NIN: variants seen among roughly 807,000 people sequenced by gnomAD.
The protein encoded by NIN is ninein, also known as glycogen synthase kinase 3 beta-interacting protein.
A neutral mutation model predicts 257.6 loss-of-function variants in NIN; 137 were observed. The ratio of observed to expected loss-of-function variants is 0.53; its 90% confidence interval spans 0.46 to 0.61. The LOEUF (loss-of-function observed/expected upper bound fraction) is 0.61, where lower values mean the gene tolerates loss of function less well. Ranked by LOEUF, NIN falls within the 20% of genes least tolerant of loss-of-function variation. The pLI, the probability that NIN is intolerant of heterozygous loss-of-function variation, is 0.00. For synonymous variants in NIN, 918 were observed against 919.8 expected, an observed-to-expected ratio of 1.00 and a Z score of 0.04; for missense variants, 2,439 against 2,501.2, an observed-to-expected ratio of 0.98 and a Z score of 0.53.
chr14:50,806,064 T>A (rs1247894457), intron 4 of NIN: 1 of 152,256 alleles, frequency 6.6e-6, no homozygotes, highest in Non-Finnish European at 1.5e-5. Flanking sequence ...ACAATTAATG[T>A]CATTTTACAT....
chr14:50,732,138 T>TG (rs533663936), intron 28 of NIN, among the ~76,000 whole-genome samples: 5 of 152,152 alleles, frequency 3.3e-5, no homozygotes, highest in East Asian at 1.9e-4. Flanking sequence ...TTAATTACAG[T>TG]GGGGGGATGT....
rs747169312 is a variant in NIN, at chr14:50,757,122, G to A, written c.3908C>T (p.Thr1303Ile). Residue 1303 changes from threonine to isoleucine, a missense_variant, in exon 18 of 31, where the codon ACA becomes ATA. Thr to Ile is a moderately conservative substitution (Grantham distance 89, BLOSUM62 -1). This residue lies in a region of NIN where 2,043 missense variants were observed against 2,050.2 expected (regional missense o/e 1.00). Transcript: ENST00000530997. ...GTAACTCTTTTCCAGGCTGAGGAAT[G>A]TTTCAGTGACTTCCTCCATTTTCTT... ...ELKKMEEVTETFLSLEKSYDE... is the reference protein window; with the variant it reads ...ELKKMEEVTEIFLSLEKSYDE... 1 of 1,612,710 alleles carries A rather than the reference G, an allele frequency of 6.2e-7. No homozygotes were observed. Among genetic ancestry groups the A allele is most frequent in the South Asian group, 1.1e-5 (1 of 90,872 alleles).
At chr14:50,803,573 C>T (rs1261667377) in intron 4 of NIN, among the ~76,000 whole-genome samples, 1 of 152,198 alleles carries the variant, frequency 6.6e-6, no homozygotes, top group Non-Finnish European at 1.5e-5. Context: ...AAGCTAAAAT[C>T]CTCAACCTAA....
In NIN at chr14:50,772,356, C is replaced by G. The variant is rs753626523; in HGVS notation, c.926G>C (p.Arg309Thr). 2.9e-5 allele frequency: 46 copies of G among 1,613,742 alleles called. No homozygotes were observed. The highest frequency in any genetic ancestry group is 3.7e-5 in the Non-Finnish European group (44 of 1,179,792). ...CTCTTCCTGCCAGGTGTCCAGTATT[C>G]TCTCCACAGATGCATGGCCCATCCC... is the stretch of plus-strand genomic sequence containing the variant. ...DDGMGHASVE[R>T]ILDTWQEEGI... Residue 309 changes from arginine to threonine, a missense_variant, in exon 9 of 31, where the codon AGA becomes ACA. Around this residue, in one of 3 missense-constraint regions of NIN, gnomAD observed 387 missense variants for 427.3 expected, o/e 0.91. Transcript: ENST00000530997.
chr14:50,789,635 A>G (rs546707551), intron 5 of NIN, among the ~76,000 whole-genome samples: 2 of 152,354 alleles, frequency 1.3e-5, no homozygotes, highest in South Asian at 4.1e-4. Flanking sequence ...AGAATTCATT[A>G]TAAGAGGAAG....
In NIN at chr14:50,723,510, T is replaced by G. The variant is rs572352459; in HGVS notation, c.6355A>C (p.Asn2119His). 2.2e-5 allele frequency: 36 copies of G among 1,613,288 alleles called. No individual in the cohort carries two copies. In the African/African-American group the frequency reaches 2.5e-4, roughly 11 times the overall value. The stretch of plus-strand genomic sequence containing the variant: ...GAAGTCAATGGCGCTGGTGTCAGAT[T>G]CCTAACTATATTACTGAGGCTGGCA... ...KIASLSNIVR[N>H]LTPAPLTSTP... Residue 2119 changes from asparagine to histidine, a missense_variant, in exon 31 of 31, where the codon AAT becomes CAT. Physicochemically the swap from Asn to His is moderately conservative, Grantham distance 68 (BLOSUM62 1). Around this residue, in one of 3 missense-constraint regions of NIN, gnomAD observed 2,043 missense variants for 2,050.2 expected, o/e 1.00. Coordinates refer to ENST00000530997, the MANE Select transcript of NIN (RefSeq NM_020921.4).
chr14:50,772,205 GAAGA>G (rs2141821312), intron 9 of NIN, 92 bp downstream of exon 9: 1 of 1,174,260 alleles, frequency 8.5e-7, no homozygotes, highest in East Asian at 2.5e-5. Flanking sequence ...GTACCATTAA[GAAGA>G]AAGAAAATCA....
chr14:50,757,680 C>A lies in NIN; in HGVS notation c.3350G>T (p.Gly1117Val), dbSNP rs779266145. 16 of 1,614,008 alleles carry A rather than the reference C, an allele frequency of 9.9e-6. No individual in the cohort carries two copies. Among genetic ancestry groups the A allele is most frequent in the Non-Finnish European group, 1.4e-5 (16 of 1,180,028 alleles). Residue 1117 changes from glycine to valine, a missense_variant, in exon 18 of 31, where the codon GGA becomes GTA. Around this residue, in one of 3 missense-constraint regions of NIN, gnomAD observed 2,043 missense variants for 2,050.2 expected, o/e 1.00. Coordinates refer to ENST00000530997, the MANE Select transcript of NIN (RefSeq NM_020921.4). The stretch of plus-strand genomic sequence containing the variant: ...CTGCTCTGTTTGTTCCGCAGTATTT[C>A]CAAAAAACTCAGTAGCTGGCTCATC... ...CLDEPATEFF[G>V]NTAEQTEQFL...
intron 25 of NIN, among the ~76,000 whole-genome samples, chr14:50,740,658 T>C (rs1359838866): frequency 1.3e-5 from 2 of 152,130 alleles, no homozygotes; most frequent in Admixed American, 1.3e-4. Context: ...ATTTTTGTAT[T>C]TGTAGTAGAG....
At chr14:50,784,606 C>G (rs1050631540) in intron 5 of NIN, among the ~76,000 whole-genome samples, 2 of 152,190 alleles carry the variant, frequency 1.3e-5, no homozygotes, top group Non-Finnish European at 2.9e-5. Context: ...CTTTAAAGAA[C>G]AAACCCAGAA....
intron 2 of NIN, among the ~76,000 whole-genome samples, chr14:50,826,233 C>A (rs1048738305): frequency 6.6e-6 from 1 of 152,182 alleles, no homozygotes; most frequent in Non-Finnish European, 1.5e-5. Flanking sequence ...TCCAGTGTTA[C>A]GAAGCCTGCC....
In NIN at chr14:50,812,057, T is replaced by C. The variant is rs1422089785; in HGVS notation, c.184-5239A>G. On this transcript the variant is annotated intron_variant, in intron 3 of 30. Coordinates refer to ENST00000530997, the MANE Select transcript of NIN (RefSeq NM_020921.4). ...ATCGCTTAAACCCAGGAGGTGGAGA[T>C]TGCAGTGAGTTGAGATCACGCCACT... Among the ~76,000 whole-genome samples, 3 of 152,012 alleles carry C rather than the reference T, an allele frequency of 2.0e-5. No homozygotes were observed. The East Asian group carries it at 5.8e-4, about 29-fold the overall frequency.
At chr14:50,765,081 A>T (rs1388732179) in intron 14 of NIN, among the ~76,000 whole-genome samples, 2 of 149,290 alleles carry the variant, frequency 1.3e-5, no homozygotes, top group South Asian at 2.1e-4. Context: ...AAAAAAAAAA[A>T]AAAAAAAAAA....
chr14:50,756,012 T>C (rs990069341), intron 18 of NIN, among the ~76,000 whole-genome samples: 1 of 152,130 alleles, frequency 6.6e-6, no homozygotes, highest in East Asian at 1.9e-4. Flanking sequence ...TCAAGTGATA[T>C]GAGTACAAAA....
intron 4 of NIN, among the ~76,000 whole-genome samples, chr14:50,799,152 G>T (rs540271391): frequency 2.4e-4 from 37 of 152,328 alleles, no homozygotes; most frequent in African/African-American, 8.9e-4. Flanking sequence ...ATGGGAAAGA[G>T]CTGTGCTTTG....
At position 50,756,678 on chromosome 14, in the gene NIN, A is replaced by G. The variant is rs2042041181; in HGVS notation, c.4352T>C (p.Ile1451Thr). 1.9e-6 allele frequency: 3 copies of G among 1,551,930 alleles called. No homozygotes were observed. The highest frequency in any genetic ancestry group is 1.7e-6 in the Non-Finnish European group (2 of 1,147,082). ...TGTTTTCTCCAGTTCTAACTCTGCT[A>G]TGGTGGCCTGATGCTGAAAATGTTT... ...QDKHFQHQAT[I>T]AELELEKTKL... is the part of the protein sequence containing the mutation. Residue 1451 changes from isoleucine to threonine, a missense_variant, in exon 18 of 31, where the codon ATA (isoleucine) becomes ACA (threonine). Ile to Thr is a moderately conservative substitution (Grantham distance 89). Transcript: ENST00000530997.
intron 11 of NIN, 80 bp downstream of exon 11, chr14:50,770,772 G>C: frequency 1.3e-6 from 2 of 1,510,746 alleles, no homozygotes; most frequent in African/African-American, 1.4e-5. Flanking sequence ...CCAGTGCACT[G>C]TTCTGCCCCT....
intron 12 of NIN, among the ~76,000 whole-genome samples, chr14:50,768,307 C>T (rs1329104402): frequency 6.6e-6 from 1 of 152,078 alleles, no homozygotes; most frequent in Non-Finnish European, 1.5e-5. Context: ...AATTCTGTAA[C>T]ATTAATCTTT....
chr14:50,804,860 G>A (rs943442024), intron 4 of NIN, among the ~76,000 whole-genome samples: 1 of 152,106 alleles, frequency 6.6e-6, no homozygotes, highest in Non-Finnish European at 1.5e-5. Flanking sequence ...TTACAAATTT[G>A]TGTTGGGCCG....
Sources: gnomAD v4.1 joint callset for allele counts (sites outside exome capture counted in the v4.1 genomes callset) on GRCh38, gnomAD v4.1.1 for gene constraint, gnomAD v4.1.1 regional missense constraint, MANE v1.5 for transcripts, NCBI Gene and HGNC (gene_info 2026-07-23, HGNC 2026-07-21) for gene names.